Variants in SLC30A10 observed in about 807,000 individuals in gnomAD.
The protein encoded by SLC30A10 is solute carrier family 30 member 10, also known as calcium/manganese antiporter SLC30A10.
A neutral mutation model predicts 21.7 loss-of-function variants in SLC30A10; 8 were observed. The ratio of observed to expected loss-of-function variants is 0.37; its 90% CI spans 0.22 to 0.67. The LOEUF is 0.67. Among genes scored for constraint, SLC30A10 ranks in the 30% least tolerant of loss-of-function variants. SLC30A10 has a pLI of 0.58. For synonymous variants in SLC30A10, 272 were observed against 279.4 expected (o/e 0.97, Z 0.26); for missense variants, 521 against 642.5 (o/e 0.81, Z 2.04).
At chr1:219,925,736 A>T (rs1187481515) in intron 2 of SLC30A10, among the ~76,000 whole-genome samples, 6 of 135,244 alleles carry the variant, frequency 4.4e-5, no homozygotes, top group Non-Finnish European at 4.6e-5. Context: ...GCTCACTGCA[A>T]CCTCCACCTC....
At chr1:219,942,383 T>G (rs1660134046) in intron 1 of SLC30A10, among the ~76,000 whole-genome samples, 1 of 152,190 alleles carries the variant, frequency 6.6e-6, no homozygotes, top group African/African-American at 2.4e-5. Flanking sequence ...TTACAAAGTT[T>G]GACTCCTTGA....
At chr1:219,922,149 CCTT>C (rs1659699338) in intron 2 of SLC30A10, among the ~76,000 whole-genome samples, 1 of 79,834 alleles carries the variant, frequency 1.3e-5, no homozygotes, top group Non-Finnish European at 2.5e-5. Context: ...AATTTTTTTA[CCTT>C]CTTGTTTGTG....
chr1:219,920,907 G>A (rs890070870), intron 2 of SLC30A10, among the ~76,000 whole-genome samples: 2 of 152,136 alleles, frequency 1.3e-5, no homozygotes, highest in African/African-American at 4.8e-5. Context: ...GGGCCCCAGG[G>A]AAGACCCCCT....
rs150043669 is a variant in SLC30A10, at chr1:219,918,593, T to C, written c.719-99A>G. On this transcript the variant is annotated intron_variant, in intron 2 of 3. Coordinates refer to ENST00000366926, the MANE Select transcript of SLC30A10 (RefSeq NM_018713.3). This position sits in a 1 kb window ranked among gnomAD's most constrained non-coding sequence, Gnocchi z 4.4. Reference sequence around the variant, plus strand: ...CGGGTATATGAATATCTGTTACCATTTGGAGTTTTTTGGTTTTTGTTTTGG... The same window carrying C: ...CGGGTATATGAATATCTGTTACCATCTGGAGTTTTTTGGTTTTTGTTTTGG... The C allele has an allele frequency of 5.6e-4, 814 of 1,461,222 alleles. 3 individuals are homozygous for C. In the African/African-American group the frequency reaches 0.01, roughly 18 times the overall value. 90.5% of individuals were successfully genotyped at this position (1,461,222 alleles called of 1,614,324 possible).
At position 219,927,686 on chromosome 1, in the gene SLC30A10, A is replaced by C. The variant is rs1285019873; in HGVS notation, c.640+115T>G. The stretch of plus-strand genomic sequence containing the variant: ...AAAAAAAACAACAACAACAAAAAAA[A>C]AAAAACAGAAAAAAAGCATGCAGAA... On this transcript the variant is annotated intron_variant, in intron 1 of 3. Transcript: ENST00000366926. The C allele has an allele frequency of 3.6e-4, 326 of 900,852 alleles. 11 individuals carry two copies. The African/African-American group carries it at 5.7e-3, about 16-fold the overall frequency. 55.8% of individuals were successfully genotyped at this position (900,852 alleles called of 1,614,324 possible). A position where few individuals can be genotyped will look rare whatever the true frequency, so the allele number is the denominator to read the frequency against.
intron 1 of SLC30A10, among the ~76,000 whole-genome samples, chr1:219,937,740 A>G (rs1011951864): frequency 5.3e-5 from 8 of 152,176 alleles, no homozygotes; most frequent in African/African-American, 1.9e-4. Context: ...TTGAACCTGG[A>G]GGCGGAGGTT....
Position 219,911,039 on chromosome 1 carries a change from G to A in SLC30A10, c.*4410C>T, listed in dbSNP as rs920584746. On this transcript the variant is annotated 3_prime_UTR_variant, in exon 4 of 4. Coordinates refer to ENST00000366926, the MANE Select transcript of SLC30A10 (RefSeq NM_018713.3). ...TAAATAAACTAAGAAGCACAAATAC[G>A]TGACACTTTATCAGGTGCATGACTT... 3.3e-5 allele frequency among the ~76,000 whole-genome samples: 5 copies of A among 151,392 alleles called. No homozygotes were observed. Among genetic ancestry groups the A allele is most frequent in the African/African-American group, 4.9e-5 (2 of 41,170 alleles).
intron 1 of SLC30A10, among the ~76,000 whole-genome samples, chr1:219,953,842 G>A (rs544870188): frequency 1.3e-5 from 2 of 151,678 alleles, no homozygotes; most frequent in Non-Finnish European, 2.9e-5. Context: ...GAGTAGCTGG[G>A]ACTACAGGCG....
intron 1 of SLC30A10, among the ~76,000 whole-genome samples, chr1:219,946,277 A>G (rs1203971557): frequency 6.6e-6 from 1 of 152,208 alleles, no homozygotes; most frequent in African/African-American, 2.4e-5. Context: ...TAATTTAACT[A>G]GTATACTTAC....
intron 1 of SLC30A10, among the ~76,000 whole-genome samples, chr1:219,942,716 CAG>C (rs1660137768): frequency 6.6e-6 from 1 of 152,200 alleles, no homozygotes; most frequent in Non-Finnish European, 1.5e-5. Context: ...AGAATTCCCT[CAG>C]AGAAAGCTTT....
rs59792236 is a variant in SLC30A10 at position 219,912,170 on chromosome 1, C to CAAAAAAAA, written c.*3271_*3278dup. On this transcript the variant is annotated 3_prime_UTR_variant, in exon 4 of 4. Coordinates refer to ENST00000366926, the MANE Select transcript of SLC30A10 (RefSeq NM_018713.3). ...CCACTGGAATTTGCTCTACCAATGG[C>CAAAAAAAA]AAAAAAAAAAAAAAAAAAAAAAAAA... 6.7e-5 allele frequency among the ~76,000 whole-genome samples: 5 copies of CAAAAAAAA among 74,722 alleles called. No homozygotes were observed. The highest frequency in any genetic ancestry group is 1.0e-4 in the Non-Finnish European group (4 of 39,910). The allele number at this position is 74,722 out of a possible 152,430, so 49.0% of individuals were successfully genotyped here.
upstream of SLC30A10, among the ~76,000 whole-genome samples, chr1:219,930,827 A>G (rs1441821381): frequency 4.6e-5 from 7 of 152,230 alleles, no homozygotes; most frequent in Admixed American, 4.6e-4. Flanking sequence ...GGAAGATTAA[A>G]TGAGTTAATA....
intron 2 of SLC30A10, among the ~76,000 whole-genome samples, chr1:219,921,099 C>T (rs978525984): frequency 5.3e-5 from 8 of 152,188 alleles, no homozygotes; most frequent in African/African-American, 1.9e-4. Context: ...ATTTTTTTAA[C>T]TACTAAACCA....
intron 1 of SLC30A10, among the ~76,000 whole-genome samples, chr1:219,954,809 G>A (rs1292628620): frequency 1.3e-5 from 2 of 151,436 alleles, no homozygotes; most frequent in African/African-American, 4.9e-5. Flanking sequence ...TAAATGGCAG[G>A]CCCCGTCTAT....
chr1:219,927,889 G>T lies in SLC30A10; in HGVS notation c.552C>A (p.Ala184=). 6.5e-7 allele frequency: 1 copy of T among 1,541,536 alleles called. No individual in the cohort carries two copies. Among genetic ancestry groups the T allele is most frequent in the Non-Finnish European group, 8.7e-7 (1 of 1,143,796 alleles). Residue 184 remains alanine, a synonymous_variant, in exon 1 of 4, where the codon GCC becomes GCA. Transcript: ENST00000366926. ...EDPRRAADPT[A]PGSDSAVTLR... is the part of the protein sequence containing the mutation. ...GGGTTACGGCCGAGTCCGAGCCTGG[G>T]GCTGTCGGGTCCGCCGCGCGCCGCG...
At chr1:219,916,573 C>G (rs1659550123) in intron 3 of SLC30A10, among the ~76,000 whole-genome samples, 1 of 152,200 alleles carries the variant, frequency 6.6e-6, no homozygotes, top group Admixed American at 6.5e-5. Context: ...TCTTTTTACA[C>G]CGCATATAGA....
At position 219,911,149 on chromosome 1, in the gene SLC30A10, G is replaced by GTTTTTTTTTTTTTTTTTTTTTTTTTTTT; in HGVS notation, c.*4299_*4300insAAAAAAAAAAAAAAAAAAAAAAAAAAAA. On this transcript the variant is annotated 3_prime_UTR_variant, in exon 4 of 4. Coordinates refer to ENST00000366926, the MANE Select transcript of SLC30A10 (RefSeq NM_018713.3). ...ATGTTTCTTCATTTTTTCTACATCA[G>GTTTTTTTTTTTTTTTTTTTTTTTTTTTT]TTTTTTTTTTTTTTTTTTTTTTTTT... Among the ~76,000 whole-genome samples, 28 of 49,408 alleles carry GTTTTTTTTTTTTTTTTTTTTTTTTTTTT rather than the reference G, an allele frequency of 5.7e-4. 1 individual carries two copies. The highest frequency in any genetic ancestry group is 1.7e-3 in the East Asian group (2 of 1,184). 32.4% of individuals were successfully genotyped at this position (49,408 alleles called of 152,430 possible). A position where few individuals can be genotyped will look rare whatever the true frequency, so the allele number is the denominator to read the frequency against.
chr1:219,946,195 T>C (rs1288314849), intron 1 of SLC30A10, among the ~76,000 whole-genome samples: 1 of 152,228 alleles, frequency 6.6e-6, no homozygotes, highest in Non-Finnish European at 1.5e-5. Context: ...TGTTAGCATA[T>C]CTTGATACTA....
At chr1:219,938,400 C>T (rs975234585) in intron 1 of SLC30A10, among the ~76,000 whole-genome samples, 1 of 152,200 alleles carries the variant, frequency 6.6e-6, no homozygotes, top group Non-Finnish European at 1.5e-5. Context: ...GAGGCAGGAT[C>T]ACTTCTCTGT....
Sources: gnomAD v4.1 joint callset for allele counts (sites outside exome capture counted in the v4.1 genomes callset) on GRCh38, gnomAD v4.1.1 for gene constraint, Gnocchi (gnomAD v3.1) non-coding constraint, MANE v1.5 for transcripts, NCBI Gene and HGNC (gene_info 2026-07-23, HGNC 2026-07-21) for gene names.